Variants in BANP observed in about 807,000 individuals in gnomAD.
The protein encoded by BANP is protein BANP.
In BANP, 11 loss-of-function variants were observed where a neutral mutation model predicts 68.1. The observed-to-expected ratio is 0.16, with a 90% CI of 0.10 to 0.27. The LOEUF (loss-of-function observed/expected upper bound fraction) is 0.27. Ranked by LOEUF, BANP falls within the 10% of genes least tolerant of loss-of-function variation. The pLI, the probability that BANP is intolerant of heterozygous loss-of-function variation, is 1.00. For missense variants in BANP, 504 were observed against 722.7 expected (o/e 0.70, Z 3.47); for synonymous variants, 329 against 303.2 (o/e 1.09, Z -0.88).
At chr16:87,983,237 C>A (rs1045555913) in intron 3 of BANP, among the ~76,000 whole-genome samples, 2 of 152,140 alleles carry the variant, frequency 1.3e-5, no homozygotes, top group African/African-American at 4.8e-5. Flanking sequence ...GGTGGGCGCT[C>A]CCCCAACCTG....
chr16:87,950,741 C>T (rs2056725105), upstream of BANP: 1 of 152,272 alleles, frequency 6.6e-6, no homozygotes, highest in Non-Finnish European at 1.5e-5. Flanking sequence ...CGGCCGCCAT[C>T]ACTTATTTAT....
At chr16:88,006,398 G>A (rs934058914) in intron 6 of BANP, 133 bp downstream of exon 6, 11 of 1,092,892 alleles carry the variant, frequency 1.0e-5, no homozygotes, top group Non-Finnish European at 1.4e-5. Flanking sequence ...TGTAATCCCA[G>A]CACTTTGGGA....
chr16:88,003,052 A>G lies in BANP; in HGVS notation c.363-1243A>G, dbSNP rs367696170. 1.3e-3 allele frequency among the ~76,000 whole-genome samples: 194 copies of G among 152,244 alleles called. 1 individual carries two copies. Among genetic ancestry groups the G allele is most frequent in the African/African-American group, 4.6e-3 (191 of 41,536 alleles). ...CAAGTCAGGTAGCCTCTCCAGTTCTACATCTCTGAGGAGCATAGGACTGTC... is the reference window on the plus strand; with the variant it reads ...CAAGTCAGGTAGCCTCTCCAGTTCTGCATCTCTGAGGAGCATAGGACTGTC... On this transcript the variant is annotated intron_variant, in intron 4 of 13. Coordinates refer to ENST00000682872, the MANE Select transcript of BANP (RefSeq NM_001386991.1). The surrounding 1 kb of genome is among the most constrained non-coding windows in gnomAD (Gnocchi z 6.1).
At chr16:87,956,009 C>A (rs1464453968) in intron 1 of BANP, among the ~76,000 whole-genome samples, 1 of 152,170 alleles carries the variant, frequency 6.6e-6, no homozygotes, top group African/African-American at 2.4e-5. Context: ...CTTCCCACAA[C>A]CTTGAGGGAG....
At chr16:88,019,711 GGCGGGGCGTGCGGGA>G in intron 7 of BANP, among the ~76,000 whole-genome samples, 1 of 144,152 alleles carries the variant, frequency 6.9e-6, no homozygotes, top group African/African-American at 2.6e-5. Context: ...GCGTGCGGGG[GGCGGGGCGTGCGGGA>G]TCTCAGCGTG....
intron 8 of BANP, among the ~76,000 whole-genome samples, chr16:88,028,693 T>C (rs1440983005): frequency 2.0e-5 from 3 of 152,252 alleles, no homozygotes; most frequent in African/African-American, 7.2e-5. Flanking sequence ...GGGCATTCAC[T>C]GAAATACCAT....
At chr16:88,006,539 G>T (rs951226373) in intron 6 of BANP, among the ~76,000 whole-genome samples, 1 of 151,874 alleles carries the variant, frequency 6.6e-6, no homozygotes, top group Admixed American at 6.6e-5. Flanking sequence ...CCAGCTACTC[G>T]GGAGGCTGAG....
chr16:87,999,960 G>A (rs76534316), intron 4 of BANP, among the ~76,000 whole-genome samples: 48 of 70,756 alleles, frequency 6.8e-4, no homozygotes, highest in Admixed American at 4.5e-3. Context: ...CCTTCCAGAC[G>A]TGTCTCCATG....
chr16:87,972,486 C>G (rs1460162026), intron 1 of BANP, among the ~76,000 whole-genome samples: 1 of 151,366 alleles, frequency 6.6e-6, no homozygotes, highest in Non-Finnish European at 1.5e-5. Flanking sequence ...TTTTCATTGT[C>G]TGCAGTGATG....
chr16:88,006,017 G>A, intron 5 of BANP, 73 bp from the exon 6 acceptor site: 5 of 1,599,072 alleles, frequency 3.1e-6, no homozygotes, highest in Non-Finnish European at 4.3e-6. Context: ...TTTGCGATAA[G>A]GAAAGCGCTG....
Position 88,066,044 on chromosome 16 carries a change from C to A in BANP, c.1377+712C>A, listed in dbSNP as rs73235240. Among the ~76,000 whole-genome samples the A allele has an allele frequency of 5.7e-3, 867 of 152,316 alleles. 11 individuals carry two copies. The highest frequency in any genetic ancestry group is 0.02 in the African/African-American group (821 of 41,568). ...TTACGAGCCTGGGATAGCGTCCGAGCAGCCTCTGTCGTCCCACTACTGCGG... is the reference window on the plus strand; with the variant it reads ...TTACGAGCCTGGGATAGCGTCCGAGAAGCCTCTGTCGTCCCACTACTGCGG... On this transcript the variant is annotated intron_variant, in intron 12 of 13. Coordinates refer to ENST00000682872, the MANE Select transcript of BANP (RefSeq NM_001386991.1).
chr16:87,986,785 A>G (rs1184321229), intron 4 of BANP, among the ~76,000 whole-genome samples: 3 of 152,188 alleles, frequency 2.0e-5, no homozygotes, highest in Non-Finnish European at 2.9e-5. Flanking sequence ...AAGCAGTGAA[A>G]TAAGAGTAAA....
At chr16:87,959,537 C>T (rs1289485061) in intron 1 of BANP, among the ~76,000 whole-genome samples, 1 of 152,210 alleles carries the variant, frequency 6.6e-6, no homozygotes, top group African/African-American at 2.4e-5. Flanking sequence ...TTGGTACTAG[C>T]AGGCTCTCCG....
At chr16:87,971,047 TA>T (rs980851917) in intron 1 of BANP, among the ~76,000 whole-genome samples, 3 of 151,986 alleles carry the variant, frequency 2.0e-5, no homozygotes, top group Admixed American at 6.5e-5. Context: ...TACCACTTCT[TA>T]CCGCCACTGA....
chr16:87,995,993 A>C (rs183932733), intron 4 of BANP, among the ~76,000 whole-genome samples: 3 of 152,268 alleles, frequency 2.0e-5, no homozygotes, highest in African/African-American at 4.8e-5. Flanking sequence ...GGGCATTTGA[A>C]AGTTGTTTAA....
chr16:88,048,219 T>A (rs2082436098), intron 11 of BANP, among the ~76,000 whole-genome samples: 1 of 152,244 alleles, frequency 6.6e-6, no homozygotes, highest in Non-Finnish European at 1.5e-5. Flanking sequence ...ATGGTTCTGA[T>A]TAATTTGATG....
chr16:88,038,699 G>A lies in BANP; in HGVS notation c.1311+688G>A, dbSNP rs183122626. Among the ~76,000 whole-genome samples, 420 of 152,286 alleles carry A rather than the reference G, an allele frequency of 2.8e-3. 2 individuals carry two copies. Among genetic ancestry groups the A allele is most frequent in the Middle Eastern group, 0.01 (3 of 294 alleles). On this transcript the variant is annotated intron_variant, in intron 11 of 13. Transcript: ENST00000682872. ...CAAAATGACGTGCTCCGACGGTGCG[G>A]GTCCTGGGGAGGGTGTTGCTGTGCA...
At chr16:87,960,786 A>G (rs1454992722) in intron 1 of BANP, among the ~76,000 whole-genome samples, 1 of 152,232 alleles carries the variant, frequency 6.6e-6, no homozygotes, top group Non-Finnish European at 1.5e-5. Context: ...TTCATGGAAC[A>G]CTATAAAAAA....
intron 1 of BANP, among the ~76,000 whole-genome samples, chr16:87,967,411 A>G (rs1195850674): frequency 2.6e-5 from 4 of 151,722 alleles, no homozygotes; most frequent in Admixed American, 6.6e-5. Context: ...CTCGGCCGTC[A>G]ATAATAATTT....
Sources: gnomAD v4.1 joint callset for allele counts (sites outside exome capture counted in the v4.1 genomes callset) on GRCh38, gnomAD v4.1.1 for gene constraint, Gnocchi (gnomAD v3.1) non-coding constraint, MANE v1.5 for transcripts, NCBI Gene and HGNC (gene_info 2026-07-23, HGNC 2026-07-21) for gene names.